Variants in GRID1 observed in about 807,000 individuals in gnomAD.
GRID1 encodes glutamate receptor ionotropic, delta-1.
In GRID1, 28 loss-of-function variants were observed where a neutral mutation model predicts 98.0. That is an observed-to-expected ratio of 0.29 (90% CI 0.21 to 0.39). The LOEUF is 0.39. GRID1 is among the 10% of genes least tolerant of loss of function. The pLI is 1.00. For synonymous variants in GRID1, 553 were observed against 538.5 expected, an observed-to-expected ratio of 1.03 and a Z score of -0.37; for missense variants, 1,111 against 1,340.5, an observed-to-expected ratio of 0.83 and a Z score of 2.67.
chr10:85,643,522 G>T (rs562127820), intron 13 of GRID1, among the ~76,000 whole-genome samples: 16 of 152,272 alleles, frequency 1.1e-4, no homozygotes, highest in African/African-American at 3.4e-4. Flanking sequence ...TAGGAGTAGG[G>T]AAGAAGACAG....
At chr10:86,045,930 CT>C (rs897665615) in intron 4 of GRID1, among the ~76,000 whole-genome samples, 6 of 152,136 alleles carry the variant, frequency 3.9e-5, no homozygotes, top group Non-Finnish European at 8.8e-5. Flanking sequence ...TCTGAGTGAG[CT>C]TTGGACTTCC....
chr10:85,671,987 GC>G (rs1417561302), intron 12 of GRID1, among the ~76,000 whole-genome samples: 2 of 152,194 alleles, frequency 1.3e-5, no homozygotes, highest in Non-Finnish European at 2.9e-5. Flanking sequence ...AAAGTTGGAA[GC>G]TAGCAGAGGT....
intron 13 of GRID1, among the ~76,000 whole-genome samples, chr10:85,640,488 G>A (rs558509463): frequency 1.8e-4 from 27 of 152,290 alleles, no homozygotes; most frequent in Non-Finnish European, 3.1e-4. Flanking sequence ...TCCCAAAAGT[G>A]CACAGAAGTG....
intron 8 of GRID1, among the ~76,000 whole-genome samples, chr10:85,735,798 G>GGA (rs1841874074): frequency 1.3e-5 from 2 of 151,066 alleles, no homozygotes; most frequent in South Asian, 4.2e-4. Context: ...GAGAGGAAGG[G>GGA]AGGAAGGAAG....
intron 4 of GRID1, among the ~76,000 whole-genome samples, chr10:86,080,868 C>A (rs1289903612): frequency 6.6e-6 from 1 of 152,200 alleles, no homozygotes; most frequent in Non-Finnish European, 1.5e-5. Flanking sequence ...AGGGTATCTA[C>A]ACACCAACTC....
chr10:85,725,105 C>T (rs189865700), intron 10 of GRID1, among the ~76,000 whole-genome samples: 61 of 152,130 alleles, frequency 4.0e-4, no homozygotes, highest in Middle Eastern at 3.4e-3. Context: ...AGGCACACTC[C>T]ATTTCTTCAT....
At chr10:86,332,939 T>C (rs963959606) in intron 2 of GRID1, among the ~76,000 whole-genome samples, 1 of 152,130 alleles carries the variant, frequency 6.6e-6, no homozygotes, top group African/African-American at 2.4e-5. Flanking sequence ...GGCTGCACCA[T>C]CAGCCTGTCC....
intron 8 of GRID1, among the ~76,000 whole-genome samples, chr10:85,787,708 C>T (rs1842442149): frequency 1.3e-5 from 2 of 152,166 alleles, no homozygotes; most frequent in South Asian, 4.1e-4. Context: ...CAGCACACTG[C>T]CCAGTTGCAT....
intron 8 of GRID1, among the ~76,000 whole-genome samples, chr10:85,782,015 C>A (rs1227637672): frequency 6.6e-6 from 1 of 152,002 alleles, no homozygotes; most frequent in African/African-American, 2.4e-5. Flanking sequence ...TCTTTTTTGT[C>A]AAAATTAATC....
At chr10:86,150,421 G>T (rs759868977) in intron 3 of GRID1, among the ~76,000 whole-genome samples, 1 of 152,256 alleles carries the variant, frequency 6.6e-6, no homozygotes, top group African/African-American at 2.4e-5. Context: ...CCACATCATT[G>T]CTTTGAGGGA....
chr10:85,754,370 G>T (rs1842076068), intron 8 of GRID1, among the ~76,000 whole-genome samples: 1 of 152,210 alleles, frequency 6.6e-6, no homozygotes, highest in South Asian at 2.1e-4. Flanking sequence ...CTAGAGAAAT[G>T]TCTGGTCTAG....
intron 3 of GRID1, among the ~76,000 whole-genome samples, chr10:86,160,300 C>A (rs1845303072): frequency 6.6e-6 from 1 of 152,180 alleles, no homozygotes; most frequent in South Asian, 2.1e-4. Context: ...GCACAAATTT[C>A]ATTTCAACCA....
intron 5 of GRID1, among the ~76,000 whole-genome samples, chr10:85,880,960 G>A (rs541510689): frequency 7.9e-4 from 121 of 152,222 alleles, no homozygotes; most frequent in Non-Finnish European, 1.4e-3. Context: ...AAAATCACAA[G>A]CATTCTTATA....
chr10:85,965,614 C>T (rs914798397), intron 4 of GRID1, among the ~76,000 whole-genome samples: 3 of 151,958 alleles, frequency 2.0e-5, no homozygotes, highest in African/African-American at 4.8e-5. Flanking sequence ...GGGAGAGGAA[C>T]ATCACACACC....
At chr10:85,645,172 G>C (rs1202550246) in intron 13 of GRID1, among the ~76,000 whole-genome samples, 1 of 151,038 alleles carries the variant, frequency 6.6e-6, no homozygotes, top group Non-Finnish European at 1.5e-5. Flanking sequence ...TCTAAGCAGT[G>C]CTTTTTTTTT....
rs938390024 is a variant in GRID1 at position 86,038,226 on chromosome 10, C to G, written c.726+100593G>C. 2.0e-5 allele frequency among the ~76,000 whole-genome samples: 3 copies of G among 152,218 alleles called. No individual in the cohort carries two copies. In the South Asian group the frequency reaches 6.2e-4, roughly 32 times the overall value. On this transcript the variant is annotated intron_variant, in intron 4 of 15. Transcript: ENST00000327946. The stretch of plus-strand genomic sequence containing the variant: ...TGGTGCTTTGATATGGTAGCCCCAG[C>G]ACACTGATACTCCCACCGTGGCCAG...
At chr10:85,634,355 A>G (rs1843012738) in intron 13 of GRID1, among the ~76,000 whole-genome samples, 1 of 151,394 alleles carries the variant, frequency 6.6e-6, no homozygotes, top group South Asian at 2.1e-4. Context: ...GCAAATCTTA[A>G]TATCCTCATG....
chr10:86,062,664 C>T (rs1253856400), intron 4 of GRID1, among the ~76,000 whole-genome samples: 1 of 152,202 alleles, frequency 6.6e-6, no homozygotes, highest in Non-Finnish European at 1.5e-5. Context: ...CCAGAGCCAT[C>T]GCCACTATGC....
intron 2 of GRID1, among the ~76,000 whole-genome samples, chr10:86,230,583 T>C (rs930209720): frequency 6.6e-6 from 1 of 152,198 alleles, no homozygotes; most frequent in Non-Finnish European, 1.5e-5. Flanking sequence ...TTTCTTTCTG[T>C]CTCCACACCT....
Sources: allele counts gnomAD v4.1 joint callset (sites outside exome capture counted in the v4.1 genomes callset), GRCh38; gene constraint gnomAD v4.1.1; transcripts MANE v1.5; gene names NCBI Gene and HGNC (gene_info 2026-07-23, HGNC 2026-07-21).